Variants in MYO3A observed in about 807,000 individuals in gnomAD.
MYO3A encodes myosin IIIA.
Under a neutral mutation model 192.7 loss-of-function variants are expected in MYO3A, and 180 were observed. That is an observed-to-expected ratio of 0.93 (90% CI 0.83 to 1.06). MYO3A has a LOEUF of 1.06. Ranked by LOEUF, MYO3A falls within the 50% of genes least tolerant of loss-of-function variation. The probability of loss-of-function intolerance (pLI) is 0.00; values close to 1 mark genes in which losing one functional copy is unlikely to be tolerated. For synonymous variants in MYO3A, 628 were observed against 645.3 expected (o/e 0.97, Z 0.41); for missense variants, 1,896 against 1,905.0 (o/e 1.00, Z 0.09).
At chr10:26,035,099 A>G (rs1842966873) in intron 10 of MYO3A, among the ~76,000 whole-genome samples, 1 of 152,200 alleles carries the variant, frequency 6.6e-6, no homozygotes, top group Non-Finnish European at 1.5e-5. Flanking sequence ...TGTCCATCCA[A>G]GATGGACAAC....
At chr10:25,972,606 T>C (rs1259901529) in intron 4 of MYO3A, among the ~76,000 whole-genome samples, 1 of 152,208 alleles carries the variant, frequency 6.6e-6, no homozygotes, top group African/African-American at 2.4e-5. Context: ...GTTGTTTGCC[T>C]GTTTGTTTAG....
At chr10:26,144,958 C>G (rs1840365981) in intron 21 of MYO3A, among the ~76,000 whole-genome samples, 1 of 152,090 alleles carries the variant, frequency 6.6e-6, no homozygotes, top group Admixed American at 6.6e-5. Flanking sequence ...GGTGGATCAC[C>G]TGAGGTCAGG....
intron 31 of MYO3A, among the ~76,000 whole-genome samples, chr10:26,183,136 C>CT (rs1554842010): frequency 6.6e-6 from 1 of 152,136 alleles, no homozygotes; most frequent in Non-Finnish European, 1.5e-5. Context: ...TCTCACCCCC[C>CT]ACACAGGCTG....
At chr10:26,135,472 G>T (rs1485400711) in intron 20 of MYO3A, among the ~76,000 whole-genome samples, 4 of 152,002 alleles carry the variant, frequency 2.6e-5, no homozygotes, top group Non-Finnish European at 5.9e-5. Flanking sequence ...CATAAGGCAG[G>T]ATAAAAGAAG....
At chr10:26,000,611 T>G (rs567380457) in intron 6 of MYO3A, among the ~76,000 whole-genome samples, 16 of 124,874 alleles carry the variant, frequency 1.3e-4, no homozygotes, top group East Asian at 1.2e-3. Flanking sequence ...CACCACAGGG[T>G]TTTTTTTTAT....
intron 2 of MYO3A, among the ~76,000 whole-genome samples, chr10:25,948,160 G>C (rs1836980510): frequency 6.6e-6 from 1 of 152,128 alleles, no homozygotes; most frequent in African/African-American, 2.4e-5. Context: ...TAGGCAGAGG[G>C]AACACAGATA....
chr10:25,986,813 A>G (rs1440335615), intron 4 of MYO3A, among the ~76,000 whole-genome samples: 1 of 152,208 alleles, frequency 6.6e-6, no homozygotes, highest in African/African-American at 2.4e-5. Flanking sequence ...ATTCAATGCA[A>G]TTTCCATCAA....
intron 4 of MYO3A, among the ~76,000 whole-genome samples, chr10:25,977,338 T>C (rs1203348597): frequency 6.6e-6 from 1 of 152,176 alleles, no homozygotes; most frequent in African/African-American, 2.4e-5. Flanking sequence ...CTGATCCTAC[T>C]TTGGTAACAG....
chr10:26,101,305 G>A (rs1030616086), intron 17 of MYO3A, among the ~76,000 whole-genome samples: 1 of 152,128 alleles, frequency 6.6e-6, no homozygotes, highest in African/African-American at 2.4e-5. Flanking sequence ...CACATGATAT[G>A]TGTCTCCTGA....
At chr10:26,072,618 G>A (rs1253109911) in intron 14 of MYO3A, among the ~76,000 whole-genome samples, 1 of 151,978 alleles carries the variant, frequency 6.6e-6, no homozygotes, top group African/African-American at 2.4e-5. Flanking sequence ...GAGGCCTGAA[G>A]GTGGTTCATC....
At chr10:26,119,758 A>G (rs972960490) in intron 17 of MYO3A, among the ~76,000 whole-genome samples, 58 of 152,308 alleles carry the variant, frequency 3.8e-4, no homozygotes, top group African/African-American at 1.4e-3. Flanking sequence ...TCCAAAAAGA[A>G]TCATATATGT....
At chr10:25,948,157 A>G (rs1836979917) in intron 2 of MYO3A, among the ~76,000 whole-genome samples, 1 of 152,184 alleles carries the variant, frequency 6.6e-6, no homozygotes, top group African/African-American at 2.4e-5. Flanking sequence ...TTCTAGGCAG[A>G]GGGAACACAG....
chr10:25,995,224 T>A (rs1840347903), intron 4 of MYO3A, among the ~76,000 whole-genome samples: 1 of 152,202 alleles, frequency 6.6e-6, no homozygotes. Context: ...TATTCTTTTT[T>A]CTCTAAACTT....
intron 23 of MYO3A, among the ~76,000 whole-genome samples, chr10:26,148,384 A>T (rs1478619394): frequency 6.6e-6 from 1 of 152,218 alleles, no homozygotes; most frequent in South Asian, 2.1e-4. Flanking sequence ...GCTAATGCAC[A>T]CTTCTTGACT....
chr10:26,094,456 G>C (rs998996727), intron 15 of MYO3A, among the ~76,000 whole-genome samples: 1 of 120,924 alleles, frequency 8.3e-6, no homozygotes, highest in East Asian at 2.3e-4. Context: ...ATGGAGTCTC[G>C]CTCTGTTGCC....
chr10:25,944,640 T>C (rs1836720177), intron 2 of MYO3A, among the ~76,000 whole-genome samples: 1 of 152,044 alleles, frequency 6.6e-6, no homozygotes, highest in South Asian at 2.1e-4. Flanking sequence ...TGGTGAATTG[T>C]GTGTTTCTAG....
intron 31 of MYO3A, among the ~76,000 whole-genome samples, chr10:26,183,628 C>T (rs2132094955): frequency 6.6e-6 from 1 of 152,282 alleles, no homozygotes; most frequent in East Asian, 1.9e-4. Context: ...CCAAAAGCTA[C>T]AAGCCCATGA....
chr10:26,141,126 A>T (rs1840139669), intron 20 of MYO3A, among the ~76,000 whole-genome samples: 1 of 152,020 alleles, frequency 6.6e-6, no homozygotes, highest in Admixed American at 6.6e-5. Flanking sequence ...ATGGGGTTTC[A>T]CTGTGACAGC....
intron 20 of MYO3A, among the ~76,000 whole-genome samples, chr10:26,129,649 G>A (rs755466971): frequency 4.6e-5 from 7 of 152,044 alleles, no homozygotes; most frequent in Non-Finnish European, 1.5e-5. Flanking sequence ...ACTTTGAGGC[G>A]TATCTGGCTG....
Sources: allele counts gnomAD v4.1 joint callset (sites outside exome capture counted in the v4.1 genomes callset), GRCh38; gene constraint gnomAD v4.1.1; transcripts MANE v1.5; gene names NCBI Gene and HGNC (gene_info 2026-07-23, HGNC 2026-07-21).